PHLPP1: variants seen among roughly 807,000 people sequenced by gnomAD.
PHLPP1 encodes the protein PH domain leucine-rich repeat-containing protein phosphatase 1.
A neutral mutation model predicts 117.2 loss-of-function variants in PHLPP1; 42 were observed. The ratio of observed to expected loss-of-function variants is 0.36; its 90% CI spans 0.28 to 0.46. The LOEUF (loss-of-function observed/expected upper bound fraction) is 0.46. Ranked by LOEUF, PHLPP1 falls within the 20% of genes least tolerant of loss-of-function variation. The pLI, the probability that PHLPP1 is intolerant of heterozygous loss-of-function variation, is 1.00. For missense variants in PHLPP1, 2,084 were observed against 2,241.9 expected, an observed-to-expected ratio of 0.93 and a Z score of 1.42; for synonymous variants, 1,042 against 970.7, an observed-to-expected ratio of 1.07 and a Z score of -1.37.
chr18:62,973,970 GTTTTT>G (rs2144491816), intron 15 of PHLPP1, among the ~76,000 whole-genome samples: 1 of 152,262 alleles, frequency 6.6e-6, no homozygotes, highest in East Asian at 1.9e-4. Flanking sequence ...CAGCTTTCCT[GTTTTT>G]ACCACCCTTT....
intron 13 of PHLPP1, among the ~76,000 whole-genome samples, chr18:62,959,577 G>T (rs1005976783): frequency 1.2e-4 from 19 of 152,054 alleles, no homozygotes; most frequent in African/African-American, 4.6e-4. Context: ...AGAATTTTTT[G>T]GGGTATATCA....
intron 1 of PHLPP1, among the ~76,000 whole-genome samples, chr18:62,745,618 G>T (rs1482086314): frequency 6.6e-6 from 1 of 151,996 alleles, no homozygotes; most frequent in East Asian, 1.9e-4. Context: ...GAAATTAGAG[G>T]TTTTTTGGAG....
chr18:62,776,897 C>T (rs967713971), intron 1 of PHLPP1, among the ~76,000 whole-genome samples: 27 of 152,230 alleles, frequency 1.8e-4, no homozygotes, highest in Admixed American at 1.3e-4. Context: ...CGTGAGCCAC[C>T]ATGCCCAGCC....
chr18:62,757,695 C>T (rs1912071555), intron 1 of PHLPP1, among the ~76,000 whole-genome samples: 1 of 152,186 alleles, frequency 6.6e-6, no homozygotes, highest in South Asian at 2.1e-4. Context: ...AGCAAGACAC[C>T]TGTGGTCCTC....
intron 4 of PHLPP1, among the ~76,000 whole-genome samples, chr18:62,869,110 TC>T (rs1915838347): frequency 1.3e-5 from 2 of 152,242 alleles, no homozygotes; most frequent in Admixed American, 1.3e-4. Flanking sequence ...AACTATTCTC[TC>T]TTTTCCAAAT....
At chr18:62,831,635 C>T (rs1914759772) in intron 2 of PHLPP1, among the ~76,000 whole-genome samples, 1 of 152,118 alleles carries the variant, frequency 6.6e-6, no homozygotes, top group South Asian at 2.1e-4. Context: ...CTGTGCCTGG[C>T]CTAAGTAAAC....
intron 4 of PHLPP1, among the ~76,000 whole-genome samples, chr18:62,874,249 T>TGTAA (rs1284783442): frequency 5.9e-5 from 9 of 151,466 alleles, no homozygotes; most frequent in Non-Finnish European, 1.2e-4. Flanking sequence ...GACTCACGCC[T>TGTAA]GTAATCCCAG....
chr18:62,961,156 C>T (rs770265829), intron 13 of PHLPP1, among the ~76,000 whole-genome samples: 19 of 152,014 alleles, frequency 1.2e-4, no homozygotes, highest in African/African-American at 4.1e-4. Context: ...AATTGGCGGG[C>T]GAGGTGACGC....
At chr18:62,887,352 T>G (rs898329697) in intron 4 of PHLPP1, among the ~76,000 whole-genome samples, 49 of 152,206 alleles carry the variant, frequency 3.2e-4, no homozygotes, top group African/African-American at 1.0e-3. Flanking sequence ...CATTTTTCAG[T>G]AGCACATGAG....
Position 62,978,852 on chromosome 18 carries a change from C to T in PHLPP1, c.4575C>T (p.Asn1525=), listed in dbSNP as rs1568180960. 3 of 1,607,542 alleles carry T rather than the reference C, an allele frequency of 1.9e-6. No homozygotes were observed. In the Admixed American group the frequency reaches 5.1e-5, roughly 27 times the overall value. The change falls in exon 17 of 17, where the codon AAC becomes AAT. Residue 1525 remains asparagine, a synonymous_variant. Coordinates refer to ENST00000262719, the MANE Select transcript of PHLPP1 (RefSeq NM_194449.4). This position sits in a 1 kb window ranked among gnomAD's most constrained non-coding sequence, Gnocchi z 7.0. ...TGCTCCACCCCATCTGTCTGTCCAA[C>T]TCCTTCCAGCGCCAGCTATCCAGCG... ...RCMLHPICLS[N]SFQRQLSSAT... is the part of the protein sequence containing the mutation.
chr18:62,926,260 G>A (rs1222264491), intron 10 of PHLPP1, among the ~76,000 whole-genome samples: 1 of 152,128 alleles, frequency 6.6e-6, no homozygotes. Context: ...ACGGAGTTGA[G>A]TGGGGGCATT....
At chr18:62,864,425 A>G (rs1915718158) in intron 4 of PHLPP1, among the ~76,000 whole-genome samples, 1 of 152,166 alleles carries the variant, frequency 6.6e-6, no homozygotes, top group East Asian at 1.9e-4. Context: ...TGATATTCCT[A>G]CCTAACTATG....
intron 1 of PHLPP1, among the ~76,000 whole-genome samples, chr18:62,825,065 T>C (rs1242792153): frequency 2.0e-5 from 3 of 152,054 alleles, no homozygotes; most frequent in African/African-American, 7.2e-5. Context: ...TTCAAGTGAT[T>C]GTCCTCCCTC....
At chr18:62,836,028 G>A (rs1406826588) in intron 2 of PHLPP1, among the ~76,000 whole-genome samples, 1 of 151,880 alleles carries the variant, frequency 6.6e-6, no homozygotes. Context: ...TGATTCGCCT[G>A]CCTCAGCCTT....
At chr18:62,802,201 G>A (rs1913806882) in intron 1 of PHLPP1, among the ~76,000 whole-genome samples, 1 of 152,166 alleles carries the variant, frequency 6.6e-6, no homozygotes, top group South Asian at 2.1e-4. Flanking sequence ...GCTCACCAGT[G>A]GGTCAGAGGA....
intron 1 of PHLPP1, among the ~76,000 whole-genome samples, chr18:62,762,156 A>T (rs1286083415): frequency 6.6e-6 from 1 of 151,870 alleles, no homozygotes; most frequent in Non-Finnish European, 1.5e-5. Flanking sequence ...TAGAAAATTG[A>T]CTGTCTGCAT....
intron 16 of PHLPP1, among the ~76,000 whole-genome samples, chr18:62,977,552 T>C (rs780491685): frequency 2.3e-4 from 35 of 152,080 alleles, no homozygotes; most frequent in Non-Finnish European, 4.1e-4. Context: ...GCCTTCTCCA[T>C]TGGTCAACAG....
intron 1 of PHLPP1, among the ~76,000 whole-genome samples, chr18:62,738,482 ATAATT>A (rs1383592271): frequency 5.9e-5 from 9 of 152,222 alleles, no homozygotes; most frequent in African/African-American, 2.2e-4. Context: ...TAATCTAGAG[ATAATT>A]TAAAGTATGT....
rs117225402 is a variant in PHLPP1 at position 62,746,366 on chromosome 18, A to G, written c.1576+29107A>G. 3.9e-4 allele frequency among the ~76,000 whole-genome samples: 59 copies of G among 152,200 alleles called. 1 individual carries two copies. The East Asian group carries it at 0.011, about 29-fold the overall frequency. On this transcript the variant is annotated intron_variant, in intron 1 of 16. Transcript: ENST00000262719. ...GGCCAAAACTAATTTTTTATAGTGA[A>G]TTTTCCTCAAATGTTAGCACTTTCT...
Sources: allele counts gnomAD v4.1 joint callset (sites outside exome capture counted in the v4.1 genomes callset), GRCh38; gene constraint gnomAD v4.1.1; non-coding constraint Gnocchi (gnomAD v3.1); transcripts MANE v1.5; gene names NCBI Gene and HGNC (gene_info 2026-07-23, HGNC 2026-07-21).